The following CLGN variants were observed in gnomAD, a reference collection of about 807,000 sequenced individuals.
CLGN encodes the protein testis tissue sperm-binding protein Li 79P.
CLGN carries 62 observed loss-of-function variants against 79.1 expected under a neutral mutation model. That is an observed-to-expected ratio of 0.78 (90% CI 0.64 to 0.97). The LOEUF is 0.97. CLGN is among the 50% of genes least tolerant of loss of function. The pLI is 0.00. For synonymous variants in CLGN, 225 were observed against 224.7 expected (o/e 1.00, Z -0.01); for missense variants, 647 against 715.5 (o/e 0.90, Z 1.09).
chr4:140,412,337 G>A (rs1033633415), intron 2 of CLGN, among the ~76,000 whole-genome samples: 1 of 152,052 alleles, frequency 6.6e-6, no homozygotes, highest in Non-Finnish European at 1.5e-5. Context: ...TTATCACAAG[G>A]TTAGATATGA....
rs1359535262 is a variant in CLGN, at chr4:140,398,852, A to G, written c.883T>C (p.Trp295Arg). Residue 295 changes from tryptophan to arginine, a missense_variant and splice_region_variant, in exon 8 of 15, where the codon TGG becomes CGG. Trp to Arg is a moderately radical substitution (Grantham distance 101). Coordinates refer to ENST00000325617, the MANE Select transcript of CLGN (RefSeq NM_004362.3). ...TTTGCTACCGAATTATTTGCTTACCAGTCTTCTGGTTTGACGGCAGAAGGA... is the reference window on the plus strand; with the variant it reads ...TTTGCTACCGAATTATTTGCTTACCGGTCTTCTGGTTTGACGGCAGAAGGA... ...PDPSAVKPED[W>R]DESEPAQIED... is the part of the protein sequence containing the mutation. 6.2e-7 allele frequency: 1 copy of G among 1,613,334 alleles called. No individual in the cohort carries two copies. The highest frequency in any genetic ancestry group is 8.5e-7 in the Non-Finnish European group (1 of 1,179,714).
At chr4:140,421,555 G>A (rs531691735) in intron 1 of CLGN, among the ~76,000 whole-genome samples, 1 of 152,064 alleles carries the variant, frequency 6.6e-6, no homozygotes, top group African/African-American at 2.4e-5. Flanking sequence ...CTGATGATTA[G>A]TGATACTGAG....
rs570082793 is a variant in CLGN at position 140,393,698 on chromosome 4, AT to A, written c.1365+127del. On this transcript the variant is annotated intron_variant, in intron 11 of 14. Coordinates refer to ENST00000325617, the MANE Select transcript of CLGN (RefSeq NM_004362.3). ...TGTCTACATAAACTTATTCAAACACATTTCCTTGGCATTTAGTAGTTACTGC... is the reference window on the plus strand; with the variant it reads ...TGTCTACATAAACTTATTCAAACACATTCCTTGGCATTTAGTAGTTACTGC... 672 of 778,394 alleles carry A rather than the reference AT, an allele frequency of 8.6e-4. 9 individuals carry two copies. In the South Asian group the frequency reaches 0.013, roughly 15 times the overall value. The allele number at this position is 778,394 out of a possible 1,614,324, so 48.2% of individuals were successfully genotyped here. A position where few individuals can be genotyped will look rare whatever the true frequency, so the allele number is the denominator to read the frequency against.
At chr4:140,408,594 T>C (rs1729151011) in intron 4 of CLGN, among the ~76,000 whole-genome samples, 1 of 151,916 alleles carries the variant, frequency 6.6e-6, no homozygotes, top group South Asian at 2.1e-4. Flanking sequence ...TCACTAATCA[T>C]CAAGGAAATG....
chr4:140,421,045 T>G (rs1224872609), intron 1 of CLGN, among the ~76,000 whole-genome samples: 1 of 152,160 alleles, frequency 6.6e-6, no homozygotes, highest in African/African-American at 2.4e-5. Context: ...ATAAGTGGAA[T>G]CATACAGTAT....
intron 6 of CLGN, among the ~76,000 whole-genome samples, chr4:140,401,082 C>T (rs7681627): frequency 0.14 from 21,496 of 152,038 alleles, 1,774 homozygotes; most frequent in East Asian, 0.22. Context: ...CCTACCACTG[C>T]CTCTTAAACT....
At chr4:140,419,380 A>T (rs1429734174) in intron 1 of CLGN, among the ~76,000 whole-genome samples, 2 of 152,152 alleles carry the variant, frequency 1.3e-5, no homozygotes, top group Admixed American at 6.6e-5. Context: ...GATAAAGATG[A>T]TAGTAGTTAT....
chr4:140,401,862 G>A, intron 6 of CLGN, 123 bp downstream of exon 6: 1 of 585,630 alleles, frequency 1.7e-6, no homozygotes, highest in South Asian at 2.6e-5. Flanking sequence ...AATTCACATT[G>A]AAAAAAGATA....
At chr4:140,390,755 A>T in intron 13 of CLGN, 27 bp from the exon 14 acceptor site, 1 of 1,470,590 alleles carries the variant, frequency 6.8e-7, no homozygotes, top group South Asian at 1.2e-5. Context: ...GTTAAAAGCA[A>T]AGACTCAATA....
At chr4:140,410,486 G>A (rs1578602828) in intron 3 of CLGN, 67 bp downstream of exon 3, 1 of 1,142,194 alleles carries the variant, frequency 8.8e-7, no homozygotes, top group Non-Finnish European at 1.3e-6. Context: ...ATTTTCATAG[G>A]CCAAAACCTA....
At chr4:140,408,996 C>T (rs749679510) in intron 4 of CLGN, among the ~76,000 whole-genome samples, 12 of 151,386 alleles carry the variant, frequency 7.9e-5, no homozygotes, top group Non-Finnish European at 1.2e-4. Context: ...ATGGCGAACA[C>T]CATGCAAAGG....
At chr4:140,402,869 T>C (rs1729024839) in intron 5 of CLGN, among the ~76,000 whole-genome samples, 1 of 152,162 alleles carries the variant, frequency 6.6e-6, no homozygotes, top group South Asian at 2.1e-4. Context: ...AAAAAGGTTA[T>C]GATTTCATTA....
rs918547757 is a variant in CLGN, at chr4:140,413,508, G to A, written c.-9-421C>T. ...AGGTCAGTGGGTGCGTGCACCGTGCGTGAGCCGAAGCAGGGCGAGGCATTG... is the reference window on the plus strand; with the variant it reads ...AGGTCAGTGGGTGCGTGCACCGTGCATGAGCCGAAGCAGGGCGAGGCATTG... On this transcript the variant is annotated intron_variant, in intron 1 of 14. Coordinates refer to ENST00000325617, the MANE Select transcript of CLGN (RefSeq NM_004362.3). Among the ~76,000 whole-genome samples the A allele has an allele frequency of 9.8e-5, 15 of 152,354 alleles. No individual in the cohort carries two copies. The South Asian group carries it at 2.5e-3, about 25-fold the overall frequency.
At position 140,409,801 on chromosome 4, in the gene CLGN, T is replaced by C. The variant is rs769522772; in HGVS notation, c.277+36A>G. 3.6e-6 allele frequency: 5 copies of C among 1,392,736 alleles called. No homozygotes were observed. In the South Asian group the frequency reaches 6.3e-5, roughly 18 times the overall value. 86.3% of individuals were successfully genotyped at this position (1,392,736 alleles called of 1,614,324 possible). On this transcript the variant is annotated intron_variant, in intron 4 of 14. Coordinates refer to ENST00000325617, the MANE Select transcript of CLGN (RefSeq NM_004362.3). ...TCAAAGTTTAGTGAACTCCAGGCCA[T>C]ACTGGTTATATCTAATACTTAAATA...
rs1221159366 is a variant in CLGN at position 140,398,893 on chromosome 4, C to G, written c.842G>C (p.Arg281Thr). ...GGCAGAAGGATCAGGAATTTTTGCT[C>G]TTTCATCCCATTCCTCAGGTTTTTT... ...NDKKPEEWDE[R>T]AKIPDPSAVK... The change falls in exon 8 of 15, where the codon AGA becomes ACA. Residue 281 changes from arginine (R) to threonine (T), a missense_variant. Physicochemically the swap from Arg to Thr is moderately conservative, Grantham distance 71 (BLOSUM62 -1). Coordinates refer to ENST00000325617, the MANE Select transcript of CLGN (RefSeq NM_004362.3). 6.2e-7 allele frequency: 1 copy of G among 1,613,744 alleles called. No individual in the cohort carries two copies. Among genetic ancestry groups the G allele is most frequent in the Admixed American group, 1.7e-5 (1 of 59,978 alleles).
intron 13 of CLGN, 114 bp downstream of exon 13, chr4:140,392,105 T>A: frequency 8.2e-7 from 1 of 1,221,908 alleles, no homozygotes. Flanking sequence ...CTTGGGAGAT[T>A]CAGATGTATA....
chr4:140,418,989 A>G (rs1241280850), intron 1 of CLGN, among the ~76,000 whole-genome samples: 4 of 152,316 alleles, frequency 2.6e-5, no homozygotes, highest in East Asian at 3.9e-4. Flanking sequence ...TTAAGAAAAT[A>G]TGGCACATAT....
At position 140,392,342 on chromosome 4, in the gene CLGN, TGTCG is replaced by T. The variant is rs1463769898; in HGVS notation, c.1524_1527del (p.Asp509TyrfsTer10). 1.9e-6 allele frequency: 3 copies of T among 1,609,260 alleles called. No homozygotes were observed. In the African/African-American group the frequency reaches 4.0e-5, roughly 22 times the overall value. On this transcript the variant is annotated frameshift_variant, in exon 13 of 15. Coordinates refer to ENST00000325617, the MANE Select transcript of CLGN (RefSeq NM_004362.3). LOFTEE classifies it high-confidence loss of function. The stretch of plus-strand genomic sequence containing the variant: ...ACTCCTTTTGTTTGTGGTATACATA[TGTCG>T]GTTTTTTTATACTCTGTATCTTTAT...
intron 11 of CLGN, 128 bp downstream of exon 11, chr4:140,393,698 A>ATTTCCTTGGCATTTAGTAGTTAC: frequency 1.3e-6 from 1 of 778,396 alleles, no homozygotes; most frequent in South Asian, 1.9e-5. Flanking sequence ...ATTCAAACAC[A>ATTTCCTTGGCATTTAGTAGTTAC]TTTCCTTGGC....
Sources: gnomAD v4.1 joint callset for allele counts (sites outside exome capture counted in the v4.1 genomes callset) on GRCh38, gnomAD v4.1.1 for gene constraint, MANE v1.5 for transcripts, NCBI Gene and HGNC (gene_info 2026-07-23, HGNC 2026-07-21) for gene names.